Variants in PRKD3 observed in about 807,000 individuals in gnomAD.
The protein encoded by PRKD3 is serine/threonine-protein kinase D3.
In PRKD3, 47 loss-of-function variants were observed where a neutral mutation model predicts 99.2. The observed-to-expected ratio is 0.47, with a 90% CI of 0.38 to 0.60. The LOEUF (loss-of-function observed/expected upper bound fraction) is 0.60. Ranked by LOEUF, PRKD3 falls within the 20% of genes least tolerant of loss-of-function variation. The probability of loss-of-function intolerance (pLI) is 0.00; values close to 1 mark genes in which losing one functional copy is unlikely to be tolerated. For synonymous variants in PRKD3, 392 were observed against 355.4 expected, an observed-to-expected ratio of 1.10 and a Z score of -1.16; for missense variants, 1,019 against 1,088.4, an observed-to-expected ratio of 0.94 and a Z score of 0.90.
chr2:37,289,505 A>T lies in PRKD3; in HGVS notation c.568T>A (p.Leu190Ile), dbSNP rs551326545. ...RQGLKCEGCG[L>I]NYHKRCAFKI... is the part of the protein sequence containing the mutation. ...AAGGCACATCGTTTATGGTAATTTA[A>T]TCCACAGCCTAAACATATTTTACAA... Residue 190 changes from leucine to isoleucine, a missense_variant, in exon 5 of 19, where the codon TTA becomes ATA. By Grantham distance (5) the Leu-to-Ile change is conservative (BLOSUM62 2). This residue lies in a region of PRKD3 where 710 missense variants were observed against 692.7 expected (regional missense o/e 1.02). Coordinates refer to ENST00000234179, the MANE Select transcript of PRKD3 (RefSeq NM_005813.6). The T allele has an allele frequency of 7.4e-6, 12 of 1,611,832 alleles. No homozygotes were observed. The highest frequency in any genetic ancestry group is 1.0e-5 in the Non-Finnish European group (12 of 1,178,284).
chr2:37,290,741 T>C, intron 4 of PRKD3, 127 bp downstream of exon 4: 1 of 1,022,106 alleles, frequency 9.8e-7, no homozygotes, highest in South Asian at 1.8e-5. Context: ...AGAGTCCTGA[T>C]CTCTCCAATT....
intron 2 of PRKD3, among the ~76,000 whole-genome samples, chr2:37,301,799 G>T (rs1282951818): frequency 1.3e-5 from 2 of 152,220 alleles, no homozygotes; most frequent in Non-Finnish European, 2.9e-5. Context: ...ACATGTTTAA[G>T]TAATTGTCAG....
At position 37,267,452 on chromosome 2, in the gene PRKD3, C is replaced by A. The variant is rs200649275; in HGVS notation, c.1862G>T (p.Arg621Leu). ...RFPTKQESQL[R>L]NEVAILQNLH... Reference sequence around the variant, plus strand: ...TACCTGTAAAATAGCCACTTCATTACGGAGTTGACTTTCTTGTTTTGTGGG... The same window carrying A: ...TACCTGTAAAATAGCCACTTCATTAAGGAGTTGACTTTCTTGTTTTGTGGG... Residue 621 changes from arginine to leucine, a missense_variant, in exon 14 of 19, where the codon CGT (arginine) becomes CTT (leucine). By Grantham distance (102) the Arg-to-Leu change is moderately radical. This residue lies in a region of PRKD3 where 184 missense variants were observed against 275.1 expected (regional missense o/e 0.67). Transcript: ENST00000234179. 6.2e-7 allele frequency: 1 copy of A among 1,603,964 alleles called. No individual in the cohort carries two copies. Among genetic ancestry groups the A allele is most frequent in the Non-Finnish European group, 8.5e-7 (1 of 1,173,448 alleles).
chr2:37,280,029 T>C, intron 7 of PRKD3, 100 bp from the exon 8 acceptor site: 1 of 763,942 alleles, frequency 1.3e-6, no homozygotes, highest in Middle Eastern at 3.8e-4. Flanking sequence ...AGAAAATATC[T>C]TTATGAGTTA....
intron 5 of PRKD3, among the ~76,000 whole-genome samples, chr2:37,288,476 G>C (rs1670226294): frequency 6.6e-6 from 1 of 152,146 alleles, no homozygotes; most frequent in South Asian, 2.1e-4. Context: ...ACAAGGCCTT[G>C]ATTTTGCCAT....
chr2:37,260,159 T>A, intron 15 of PRKD3, 64 bp downstream of exon 15: 1 of 1,419,522 alleles, frequency 7.0e-7, no homozygotes, highest in Non-Finnish European at 9.7e-7. Flanking sequence ...GTAAGACTCT[T>A]GTCTTAAAAA....
intron 14 of PRKD3, among the ~76,000 whole-genome samples, chr2:37,264,847 A>G (rs1668726219): frequency 6.6e-6 from 1 of 152,216 alleles, no homozygotes; most frequent in Non-Finnish European, 1.5e-5. Context: ...GTATCTAAAA[A>G]TGGGATGTGC....
chr2:37,298,030 T>A (rs1312258099), intron 2 of PRKD3, among the ~76,000 whole-genome samples: 1 of 152,196 alleles, frequency 6.6e-6, no homozygotes, highest in African/African-American at 2.4e-5. Context: ...AATGGGAGAT[T>A]TATCTATTTT....
intron 5 of PRKD3, among the ~76,000 whole-genome samples, chr2:37,286,758 A>G (rs2124821752): frequency 6.6e-6 from 1 of 152,326 alleles, no homozygotes; most frequent in Non-Finnish European, 1.5e-5. Flanking sequence ...CACATTTTAG[A>G]TTTTCAAATT....
At chr2:37,309,518 T>A (rs187944699) in intron 2 of PRKD3, among the ~76,000 whole-genome samples, 24 of 152,302 alleles carry the variant, frequency 1.6e-4, no homozygotes, top group Admixed American at 1.0e-3. Context: ...AATTATAAGA[T>A]TCTTAAGTCA....
chr2:37,324,010 C>G (rs1671996062), intron 1 of PRKD3, among the ~76,000 whole-genome samples: 1 of 152,164 alleles, frequency 6.6e-6, no homozygotes, highest in African/African-American at 2.4e-5. Flanking sequence ...AATAAAATAC[C>G]CAACCGGCAA....
chr2:37,263,210 T>C (rs1668599611), intron 14 of PRKD3, among the ~76,000 whole-genome samples: 1 of 152,186 alleles, frequency 6.6e-6, no homozygotes, highest in Non-Finnish European at 1.5e-5. Flanking sequence ...GGCGCTGATA[T>C]ATATGCAGTA....
intron 14 of PRKD3, among the ~76,000 whole-genome samples, chr2:37,261,619 A>G (rs1668462164): frequency 6.6e-6 from 1 of 151,778 alleles, no homozygotes. Flanking sequence ...AGTCTCTACT[A>G]AAAATACAAA....
At chr2:37,293,464 A>C (rs1012583904) in intron 2 of PRKD3, among the ~76,000 whole-genome samples, 193 bp from the exon 3 acceptor site, 2 of 152,266 alleles carry the variant, frequency 1.3e-5, no homozygotes, top group African/African-American at 4.8e-5. Context: ...GAAAAATAGA[A>C]AAGTAAACTT....
chr2:37,261,038 C>T (rs1291935157), intron 14 of PRKD3, among the ~76,000 whole-genome samples: 2 of 152,202 alleles, frequency 1.3e-5, no homozygotes, highest in African/African-American at 4.8e-5. Flanking sequence ...CAGCCTTGCT[C>T]AAACACCTTC....
chr2:37,324,174 A>G (rs969096704), intron 1 of PRKD3: 3 of 985,264 alleles, frequency 3.0e-6, no homozygotes, highest in African/African-American at 3.5e-5. Flanking sequence ...AGGGGCTTAC[A>G]TTCTCCAAGC....
chr2:37,313,376 G>A (rs1256111239), intron 2 of PRKD3, among the ~76,000 whole-genome samples: 2 of 150,500 alleles, frequency 1.3e-5, no homozygotes, highest in African/African-American at 4.9e-5. Context: ...TTAACCAGCA[G>A]TGGAGGTACT....
intron 3 of PRKD3, 93 bp downstream of exon 3, chr2:37,293,040 A>G: frequency 7.8e-7 from 1 of 1,277,434 alleles, no homozygotes; most frequent in Non-Finnish European, 1.1e-6. Flanking sequence ...ACAATAATAC[A>G]AAGACTAAAT....
intron 12 of PRKD3, 58 bp from the exon 13 acceptor site, chr2:37,269,745 C>A: frequency 1.6e-6 from 2 of 1,214,568 alleles, no homozygotes; most frequent in African/African-American, 3.0e-5. Flanking sequence ...ATGTCAACAT[C>A]TCTGACTTTC....
Sources: allele counts gnomAD v4.1 joint callset (sites outside exome capture counted in the v4.1 genomes callset), GRCh38; gene constraint gnomAD v4.1.1; regional missense constraint gnomAD v4.1.1; transcripts MANE v1.5; gene names NCBI Gene and HGNC (gene_info 2026-07-23, HGNC 2026-07-21).